SHISA9: variants seen among roughly 807,000 people sequenced by gnomAD.
SHISA9 encodes the protein shisa family member 9, also known as protein shisa-9.
In SHISA9, 13 loss-of-function variants were observed where a neutral mutation model predicts 38.0. The ratio of observed to expected loss-of-function variants is 0.34; its 90% CI spans 0.22 to 0.54. SHISA9 has a LOEUF of 0.54. Ranked by LOEUF, SHISA9 falls within the 20% of genes least tolerant of loss-of-function variation. The pLI is 0.91. For missense variants in SHISA9, 538 were observed against 575.8 expected (o/e 0.93, Z 0.67); for synonymous variants, 275 against 242.0 (o/e 1.14, Z -1.27).
intron 2 of SHISA9, among the ~76,000 whole-genome samples, chr16:13,073,969 G>GTT (rs11315393): frequency 7.0e-5 from 9 of 127,920 alleles, no homozygotes; most frequent in South Asian, 2.5e-4. Flanking sequence ...TTTTTTTTTT[G>GTT]TTTTTTTTTT....
chr16:13,187,328 CTTTTTT>C (rs372286181), intron 2 of SHISA9, among the ~76,000 whole-genome samples: 7 of 90,718 alleles, frequency 7.7e-5, no homozygotes, highest in Admixed American at 5.3e-4. Flanking sequence ...CTTTTCTTTT[CTTTTTT>C]TTTTTTTTTT....
intron 3 of SHISA9, among the ~76,000 whole-genome samples, chr16:13,212,028 G>A (rs1244513919): frequency 2.0e-5 from 3 of 152,164 alleles, no homozygotes; most frequent in African/African-American, 2.4e-5. Context: ...GATGAGGGGT[G>A]TACAGTTCAG....
chr16:13,255,607 A>G, the SHISA9 span, among the ~76,000 whole-genome samples: 1 of 152,224 alleles, frequency 6.6e-6, no homozygotes. Context: ...AGCTGCCTCA[A>G]TTTCCTTCTT....
chr16:13,003,889 T>TAAGAAG (rs59904952), intron 2 of SHISA9, among the ~76,000 whole-genome samples: 2,525 of 145,826 alleles, frequency 0.017, 24 homozygotes, highest in Middle Eastern at 0.043. Context: ...ATAATAATAA[T>TAAGAAG]AAGAAGAAGA....
At chr16:13,301,506 A>T in the SHISA9 span, among the ~76,000 whole-genome samples, 1 of 152,336 alleles carries the variant, frequency 6.6e-6, no homozygotes, top group Non-Finnish European at 1.5e-5. Flanking sequence ...GTGCACAAAA[A>T]GACATTTGGT....
At chr16:13,005,132 G>C (rs1238734832) in intron 2 of SHISA9, among the ~76,000 whole-genome samples, 1 of 152,022 alleles carries the variant, frequency 6.6e-6, no homozygotes, top group East Asian at 1.9e-4. Context: ...GAAGGTGACT[G>C]GTGTGTGGAG....
chr16:12,915,825 T>C (rs1048047028), intron 1 of SHISA9, among the ~76,000 whole-genome samples: 6 of 152,158 alleles, frequency 3.9e-5, no homozygotes, highest in Non-Finnish European at 8.8e-5. Flanking sequence ...GACACACACA[T>C]ATACAACAAT....
intron 2 of SHISA9, among the ~76,000 whole-genome samples, chr16:12,973,195 C>T (rs572300875): frequency 6.6e-6 from 1 of 152,362 alleles, no homozygotes; most frequent in South Asian, 2.1e-4. Flanking sequence ...GGATCCTATT[C>T]ACTTTCCCTG....
intron 2 of SHISA9, among the ~76,000 whole-genome samples, chr16:13,127,095 G>C (rs1183049913): frequency 6.9e-6 from 1 of 145,046 alleles, no homozygotes; most frequent in Admixed American, 6.9e-5. Context: ...CTGAGGGAAG[G>C]AAAGAGAGAG....
chr16:13,508,494 A>T, the SHISA9 span, among the ~76,000 whole-genome samples: 1 of 152,214 alleles, frequency 6.6e-6, no homozygotes, highest in Non-Finnish European at 1.5e-5. Context: ...TAAACATTTT[A>T]AGGTTTTTTA....
intron 2 of SHISA9, among the ~76,000 whole-genome samples, chr16:13,068,612 T>C (rs1360667939): frequency 6.6e-6 from 1 of 152,238 alleles, no homozygotes; most frequent in Non-Finnish European, 1.5e-5. Context: ...AACGTGATTC[T>C]GAGCCATGGC....
chr16:13,252,046 T>C, the SHISA9 span, among the ~76,000 whole-genome samples: 1 of 152,176 alleles, frequency 6.6e-6, no homozygotes, highest in Non-Finnish European at 1.5e-5. Flanking sequence ...TTAAGACAGA[T>C]CACAACGTTC....
At chr16:13,320,165 C>T in the SHISA9 span, among the ~76,000 whole-genome samples, 8 of 151,594 alleles carry the variant, frequency 5.3e-5, no homozygotes, top group Non-Finnish European at 1.2e-4. Flanking sequence ...GTGGCATGCA[C>T]CTGTAGTCCC....
chr16:13,235,467 A>G lies in SHISA9; in HGVS notation c.*58A>G. The G allele has an allele frequency of 6.8e-7, 1 of 1,471,436 alleles. No homozygotes were observed. The highest frequency in any genetic ancestry group is 1.4e-5 in the South Asian group (1 of 72,954). 91.1% of individuals were successfully genotyped at this position (1,471,436 alleles called of 1,614,324 possible). A position where few individuals can be genotyped will look rare whatever the true frequency, so the allele number is the denominator to read the frequency against. On this transcript the variant is annotated 3_prime_UTR_variant, in exon 5 of 5. Transcript: ENST00000558583. ...ACTCAACTGAGAGAGGCAAAAAACA[A>G]CCCCGCCCACACCCTCCCCATCCTC... is the stretch of plus-strand genomic sequence containing the variant.
At chr16:13,527,676 C>G in the SHISA9 span, among the ~76,000 whole-genome samples, 1 of 152,244 alleles carries the variant, frequency 6.6e-6, no homozygotes, top group African/African-American at 2.4e-5. Context: ...ATTCAAGTTC[C>G]TAGTTATCCC....
chr16:13,384,014 G>A, the SHISA9 span, among the ~76,000 whole-genome samples: 1 of 152,090 alleles, frequency 6.6e-6, no homozygotes, highest in East Asian at 1.9e-4. Flanking sequence ...CAGGGTGCAG[G>A]TGTTTGCTAT....
chr16:13,003,889 T>TAATAATAATAATAAGAAG (rs770958492), intron 2 of SHISA9, among the ~76,000 whole-genome samples: 1 of 145,824 alleles, frequency 6.9e-6, no homozygotes, highest in African/African-American at 2.5e-5. Flanking sequence ...ATAATAATAA[T>TAATAATAATAATAAGAAG]AAGAAGAAGA....
chr16:13,037,749 C>T (rs139764563), intron 2 of SHISA9, among the ~76,000 whole-genome samples: 133 of 152,224 alleles, frequency 8.7e-4, no homozygotes, highest in African/African-American at 2.7e-3. Context: ...GACCTTAGAA[C>T]GTTATAGACA....
chr16:13,148,539 AC>A (rs2050468379), intron 2 of SHISA9, among the ~76,000 whole-genome samples: 1 of 152,010 alleles, frequency 6.6e-6, no homozygotes, highest in Admixed American at 6.6e-5. Context: ...ACCAAAGCAA[AC>A]CACAGTCCAC....
Sources: allele counts gnomAD v4.1 joint callset (sites outside exome capture counted in the v4.1 genomes callset), GRCh38; gene constraint gnomAD v4.1.1; transcripts MANE v1.5; gene names NCBI Gene and HGNC (gene_info 2026-07-23, HGNC 2026-07-21).